PLPPR1: variants seen among roughly 807,000 people sequenced by gnomAD.
PLPPR1 encodes the protein phospholipid phosphatase related 1.
PLPPR1 carries 10 observed loss-of-function variants against 33.1 expected under a neutral mutation model. The observed-to-expected ratio is 0.30, with a 90% CI of 0.19 to 0.51. The LOEUF is 0.51. Among genes scored for constraint, PLPPR1 ranks in the 20% least tolerant of loss-of-function variants. The pLI, the probability that PLPPR1 is intolerant of heterozygous loss-of-function variation, is 0.97. For synonymous variants in PLPPR1, 151 were observed against 151.0 expected, an observed-to-expected ratio of 1.00 and a Z score of 0.00; for missense variants, 304 against 408.1, an observed-to-expected ratio of 0.74 and a Z score of 2.20.
intron 2 of PLPPR1, among the ~76,000 whole-genome samples, chr9:101,195,280 C>T (rs929822102): frequency 2.6e-5 from 4 of 152,114 alleles, no homozygotes; most frequent in African/African-American, 9.7e-5. Context: ...TAGGGAATTG[C>T]ATTCCACAAA....
intron 1 of PLPPR1, among the ~76,000 whole-genome samples, chr9:101,077,834 A>G (rs1830558490): frequency 6.6e-6 from 1 of 152,034 alleles, no homozygotes; most frequent in Non-Finnish European, 1.5e-5. Context: ...AAAGGGACAC[A>G]GGTGTGAAAA....
At chr9:101,060,666 T>G (rs1282485246) in intron 1 of PLPPR1, among the ~76,000 whole-genome samples, 2 of 151,898 alleles carry the variant, frequency 1.3e-5, no homozygotes, top group Non-Finnish European at 2.9e-5. Flanking sequence ...TATTTTTTAA[T>G]GCATTAAAAA....
At chr9:101,121,727 A>G (rs1402341208) in intron 1 of PLPPR1, among the ~76,000 whole-genome samples, 3 of 152,200 alleles carry the variant, frequency 2.0e-5, no homozygotes, top group Non-Finnish European at 4.4e-5. Context: ...TCTTAGATTT[A>G]CAAGAGTTGC....
intron 1 of PLPPR1, among the ~76,000 whole-genome samples, chr9:101,053,338 A>G (rs1830246356): frequency 1.3e-5 from 2 of 152,098 alleles, no homozygotes; most frequent in African/African-American, 4.8e-5. Context: ...TTGATTTCAT[A>G]CTTCTCCATT....
At chr9:101,305,204 A>AGTGTGT (rs35405804) in intron 4 of PLPPR1, among the ~76,000 whole-genome samples, 1 of 150,046 alleles carries the variant, frequency 6.7e-6, no homozygotes, top group Non-Finnish European at 1.5e-5. Flanking sequence ...ATGAGGTAAA[A>AGTGTGT]GTGTGTGTGT....
chr9:101,271,156 T>G (rs537595265), intron 3 of PLPPR1, among the ~76,000 whole-genome samples: 1 of 152,144 alleles, frequency 6.6e-6, no homozygotes, highest in East Asian at 1.9e-4. Flanking sequence ...AAGATCAGCA[T>G]TGATGAGCCA....
rs1234878755 is a variant in PLPPR1, at chr9:101,324,857, G to C, written c.*800G>C. The C allele has an allele frequency of 6.6e-6, 1 of 152,562 alleles. No homozygotes were observed. Among genetic ancestry groups the C allele is most frequent in the African/African-American group, 2.4e-5 (1 of 41,414 alleles). 9.5% of individuals were successfully genotyped at this position (152,562 alleles called of 1,614,324 possible). A position where few individuals can be genotyped will look rare whatever the true frequency, so the allele number is the denominator to read the frequency against. ...TTTATATGAAAATGAATATTTTACA[G>C]TTTGCACAGTATTATTTTACAGAAA... On this transcript the variant is annotated 3_prime_UTR_variant, in exon 8 of 8. Transcript: ENST00000374874.
chr9:101,249,048 C>A (rs957886122), intron 2 of PLPPR1, among the ~76,000 whole-genome samples: 7 of 152,004 alleles, frequency 4.6e-5, no homozygotes, highest in African/African-American at 1.7e-4. Context: ...GTAGAACCAC[C>A]ATGATTATAC....
At chr9:101,037,810 A>T (rs1830028159) in intron 1 of PLPPR1, among the ~76,000 whole-genome samples, 3 of 151,922 alleles carry the variant, frequency 2.0e-5, no homozygotes. Flanking sequence ...TCTGCTGTAA[A>T]AGCAAGGGAA....
intron 7 of PLPPR1, among the ~76,000 whole-genome samples, chr9:101,323,440 C>T (rs1829191854): frequency 6.9e-6 from 1 of 144,928 alleles, no homozygotes; most frequent in African/African-American, 2.6e-5. Flanking sequence ...GGCTGTACTC[C>T]AGCCTGGGTG....
intron 1 of PLPPR1, among the ~76,000 whole-genome samples, chr9:101,069,846 G>T (rs1830462040): frequency 6.6e-6 from 1 of 152,110 alleles, no homozygotes; most frequent in South Asian, 2.1e-4. Context: ...AGAATGGCAG[G>T]CAGTGCTCAG....
At chr9:101,242,433 G>A (rs1827493761) in intron 2 of PLPPR1, among the ~76,000 whole-genome samples, 1 of 151,824 alleles carries the variant, frequency 6.6e-6, no homozygotes, top group African/African-American at 2.4e-5. Flanking sequence ...GAATAAGAGT[G>A]CTTGCTCTCA....
At chr9:101,034,565 C>T (rs901367833) in intron 1 of PLPPR1, among the ~76,000 whole-genome samples, 1 of 152,112 alleles carries the variant, frequency 6.6e-6, no homozygotes, top group Admixed American at 6.5e-5. Flanking sequence ...TCTGGCTCTG[C>T]CACTTATAAA....
At chr9:101,087,699 G>C (rs957034895) in intron 1 of PLPPR1, among the ~76,000 whole-genome samples, 2 of 152,190 alleles carry the variant, frequency 1.3e-5, no homozygotes, top group African/African-American at 4.8e-5. Flanking sequence ...TACATTTTAT[G>C]TAAATAAGTC....
chr9:101,288,213 C>T (rs556524316), intron 4 of PLPPR1, among the ~76,000 whole-genome samples: 1 of 152,138 alleles, frequency 6.6e-6, no homozygotes, highest in African/African-American at 2.4e-5. Flanking sequence ...TCTAGATTGT[C>T]TGTTGTGGTA....
At chr9:101,300,773 A>G (rs1159231087) in intron 4 of PLPPR1, among the ~76,000 whole-genome samples, 4 of 152,196 alleles carry the variant, frequency 2.6e-5, no homozygotes, top group East Asian at 1.9e-4. Context: ...TATCCAGGGC[A>G]TATTTTCTAG....
chr9:101,283,751 T>G (rs1340273852), intron 3 of PLPPR1, among the ~76,000 whole-genome samples: 2 of 152,082 alleles, frequency 1.3e-5, no homozygotes, highest in Non-Finnish European at 2.9e-5. Context: ...GTAAACCATA[T>G]GTCTAATAAA....
intron 3 of PLPPR1, among the ~76,000 whole-genome samples, chr9:101,283,206 G>A (rs1725594150): frequency 6.6e-6 from 1 of 152,054 alleles, no homozygotes; most frequent in Non-Finnish European, 1.5e-5. Context: ...ACCTAGAATG[G>A]CCAAAGCAAT....
chr9:101,323,363 C>T (rs981383052), intron 7 of PLPPR1, among the ~76,000 whole-genome samples: 1 of 150,604 alleles, frequency 6.6e-6, no homozygotes, highest in Non-Finnish European at 1.5e-5. Context: ...GGCATGGTGG[C>T]ATGTGCCCAG....
Sources: allele counts gnomAD v4.1 joint callset (sites outside exome capture counted in the v4.1 genomes callset), GRCh38; gene constraint gnomAD v4.1.1; transcripts MANE v1.5; gene names NCBI Gene and HGNC (gene_info 2026-07-23, HGNC 2026-07-21).